Variants in ANKRD27 observed in about 807,000 individuals in gnomAD.
The protein encoded by ANKRD27 is ankyrin repeat domain-containing protein 27.
Under a neutral mutation model 129.7 loss-of-function variants are expected in ANKRD27, and 112 were observed. The ratio of observed to expected loss-of-function variants is 0.86; its 90% CI spans 0.74 to 1.01. The LOEUF is 1.01. Ranked by LOEUF, ANKRD27 falls within the 50% of genes least tolerant of loss-of-function variation. The pLI, the probability that ANKRD27 is intolerant of heterozygous loss-of-function variation, is 0.00. For missense variants in ANKRD27, 1,258 were observed against 1,300.5 expected (o/e 0.97, Z 0.50); for synonymous variants, 516 against 511.2 (o/e 1.01, Z -0.13).
rs397944392 is a variant in ANKRD27, at chr19:32,641,216, GA to G, written c.904+807del. Among the ~76,000 whole-genome samples, 1,154 of 143,170 alleles carry G rather than the reference GA, an allele frequency of 8.1e-3. 15 individuals are homozygous for G. The highest frequency in any genetic ancestry group is 0.066 in the South Asian group (300 of 4,536). 93.9% of individuals were successfully genotyped at this position (143,170 alleles called of 152,430 possible). A position where few individuals can be genotyped will look rare whatever the true frequency, so the allele number is the denominator to read the frequency against. On this transcript the variant is annotated intron_variant, in intron 10 of 28. Transcript: ENST00000306065. ...GCGCCCAGCCGACCCTGTCTCTTAA[GA>G]AAAAAAAAAAATATGTTAACTCCAA...
intron 24 of ANKRD27, among the ~76,000 whole-genome samples, chr19:32,604,895 T>TAAA (rs59062300): frequency 1.3e-5 from 2 of 149,550 alleles, no homozygotes; most frequent in Admixed American, 6.7e-5. Flanking sequence ...CCATCTCTAC[T>TAAA]AAAAAAAAAC....
At chr19:32,646,335 C>T in intron 4 of ANKRD27, 124 bp downstream of exon 4, 1 of 926,104 alleles carries the variant, frequency 1.1e-6, no homozygotes, top group Non-Finnish European at 1.6e-6. Flanking sequence ...TCCCAAAGTG[C>T]AGGGATTACA....
intron 10 of ANKRD27, 73 bp from the exon 11 acceptor site, chr19:32,640,458 C>G: frequency 8.0e-7 from 1 of 1,254,330 alleles, no homozygotes; most frequent in Non-Finnish European, 1.2e-6. Flanking sequence ...AACTCCCTAC[C>G]ACCGCACACC....
rs774055741 is a variant in ANKRD27, at chr19:32,643,550, T to C, written c.585+22A>G. The C allele has an allele frequency of 9.3e-6, 15 of 1,613,768 alleles. No homozygotes were observed. The African/African-American group carries it at 1.2e-4, about 13-fold the overall frequency. On this transcript the variant is annotated intron_variant, in intron 6 of 28. Coordinates refer to ENST00000306065, the MANE Select transcript of ANKRD27 (RefSeq NM_032139.3). ...CATGGGGGTGCACCACAATTCTCCC[T>C]CTCAGAAGTCCTGCTGCTTACCAGG...
At chr19:32,621,738 A>C (rs954289815) in intron 18 of ANKRD27, among the ~76,000 whole-genome samples, 1 of 152,194 alleles carries the variant, frequency 6.6e-6, no homozygotes, top group African/African-American at 2.4e-5. Flanking sequence ...GGGGAGCCTC[A>C]GCTTGCAGAT....
At chr19:32,659,879 C>A (rs1423549816) in intron 1 of ANKRD27, among the ~76,000 whole-genome samples, 11 of 152,042 alleles carry the variant, frequency 7.2e-5, no homozygotes, top group Middle Eastern at 3.4e-3. Flanking sequence ...ACCCTCACTT[C>A]TACAAAAATA....
intron 24 of ANKRD27, among the ~76,000 whole-genome samples, chr19:32,605,149 T>C (rs1296561970): frequency 6.6e-6 from 1 of 152,028 alleles, no homozygotes; most frequent in Non-Finnish European, 1.5e-5. Flanking sequence ...TGCAAGAGGA[T>C]CGTTGGAGCT....
chr19:32,644,314 C>G lies in ANKRD27; in HGVS notation c.525+11G>C. 6.2e-7 allele frequency: 1 copy of G among 1,609,874 alleles called. No individual in the cohort carries two copies. On this transcript the variant is annotated intron_variant, in intron 5 of 28. Coordinates refer to ENST00000306065, the MANE Select transcript of ANKRD27 (RefSeq NM_032139.3). ...AGGGCACGCCAGGCAGAGGACAGCA[C>G]GGCTACTGACTATGTGGTGACGGAG...
intron 12 of ANKRD27, among the ~76,000 whole-genome samples, chr19:32,636,741 T>TTTATATATATATATATA: frequency 9.1e-6 from 1 of 109,524 alleles, no homozygotes. Flanking sequence ...ATATATATAT[T>TTTATATATATATATATA]TTTTATATAT....
chr19:32,616,708 G>GCCACGA (rs1411300762), intron 21 of ANKRD27, among the ~76,000 whole-genome samples: 5 of 152,112 alleles, frequency 3.3e-5, no homozygotes, highest in Admixed American at 6.6e-5. Flanking sequence ...CTTCCTTCAA[G>GCCACGA]CCACGACATT....
At chr19:32,670,177 G>T (rs536780782) in intron 1 of ANKRD27, among the ~76,000 whole-genome samples, 167 of 152,232 alleles carry the variant, frequency 1.1e-3, no homozygotes, top group African/African-American at 3.7e-3. Context: ...AACACACCAC[G>T]CCCTTAACAA....
intron 17 of ANKRD27, among the ~76,000 whole-genome samples, chr19:32,623,291 C>T (rs1972041828): frequency 6.6e-6 from 1 of 152,120 alleles, no homozygotes; most frequent in African/African-American, 2.4e-5. Context: ...CCCAAAATTC[C>T]CTAACTGATT....
At chr19:32,612,980 T>G (rs1400296982) in intron 22 of ANKRD27, among the ~76,000 whole-genome samples, 7 of 152,168 alleles carry the variant, frequency 4.6e-5, no homozygotes, top group African/African-American at 1.7e-4. Flanking sequence ...TGAAAGCCCA[T>G]GTGAGGAAAT....
intron 9 of ANKRD27, among the ~76,000 whole-genome samples, chr19:32,642,863 T>C (rs1009302281): frequency 1.3e-5 from 2 of 152,198 alleles, no homozygotes; most frequent in African/African-American, 2.4e-5. Flanking sequence ...ACATGCCCAC[T>C]TGGGGACCAG....
chr19:32,627,837 G>C (rs1313529291), intron 15 of ANKRD27, among the ~76,000 whole-genome samples: 1 of 152,258 alleles, frequency 6.6e-6, no homozygotes, highest in Non-Finnish European at 1.5e-5. Flanking sequence ...GGGAGCGTTA[G>C]GCAGTGTTTC....
At chr19:32,606,624 T>C (rs370683046) in intron 23 of ANKRD27, among the ~76,000 whole-genome samples, 2 of 35,174 alleles carry the variant, frequency 5.7e-5, no homozygotes, top group East Asian at 9.8e-4. Flanking sequence ...CACCTTTCTA[T>C]CCTTTCTACC....
chr19:32,672,109 C>T (rs1967881925), intron 1 of ANKRD27, among the ~76,000 whole-genome samples: 1 of 152,238 alleles, frequency 6.6e-6, no homozygotes, highest in African/African-American at 2.4e-5. Context: ...TAGAGATGCA[C>T]TCCCTGCTGA....
Position 32,604,319 on chromosome 19 carries a change from C to T in ANKRD27, c.2599G>A (p.Ala867Thr). Residue 867 changes from alanine (A) to threonine (T), a missense_variant, in exon 25 of 29, where the codon GCG becomes ACG. Ala to Thr is a moderately conservative substitution (Grantham distance 58, BLOSUM62 0). Coordinates refer to ENST00000306065, the MANE Select transcript of ANKRD27 (RefSeq NM_032139.3). ...CGCTTGTTCAGCACCTGAACTGACG[C>T]TCCGTGGAGCAGAAGCAGCTCTACC... Reference protein sequence around the residue: ...FVVELLLLHGASVQVLNKRQR... With the variant: ...FVVELLLLHGTSVQVLNKRQR... 1.9e-6 allele frequency: 3 copies of T among 1,614,038 alleles called. No individual in the cohort carries two copies. Among genetic ancestry groups the T allele is most frequent in the Non-Finnish European group, 1.7e-6 (2 of 1,180,032 alleles).
chr19:32,643,253 C>A (rs774419777), intron 8 of ANKRD27, 34 bp downstream of exon 8: 7 of 1,613,774 alleles, frequency 4.3e-6, no homozygotes, highest in Non-Finnish European at 2.5e-6. Context: ...CAGAAGAAGG[C>A]TTCCATCTTG....
Sources: allele counts gnomAD v4.1 joint callset (sites outside exome capture counted in the v4.1 genomes callset), GRCh38; gene constraint gnomAD v4.1.1; transcripts MANE v1.5; gene names NCBI Gene and HGNC (gene_info 2026-07-23, HGNC 2026-07-21).